The following DGKI variants were observed in gnomAD, a reference collection of about 807,000 sequenced individuals.
DGKI encodes the protein diacylglycerol kinase iota.
Under a neutral mutation model 147.5 loss-of-function variants are expected in DGKI, and 55 were observed. The ratio of observed to expected loss-of-function variants is 0.37; its 90% CI spans 0.30 to 0.47. The LOEUF is 0.47. DGKI is among the 20% of genes least tolerant of loss of function. The pLI is 1.00. For missense variants in DGKI, 1,007 were observed against 1,323.8 expected (o/e 0.76, Z 3.71); for synonymous variants, 469 against 477.1 (o/e 0.98, Z 0.22).
intron 27 of DGKI, among the ~76,000 whole-genome samples, chr7:137,451,727 A>G (rs547718002): frequency 7.2e-5 from 11 of 152,220 alleles, no homozygotes; most frequent in Non-Finnish European, 1.6e-4. Context: ...GGTTTTAGAT[A>G]TGTGCATTTT....
At chr7:137,466,982 G>C (rs769873886) in intron 24 of DGKI, 40 bp from the exon 25 acceptor site, 1 of 1,604,000 alleles carries the variant, frequency 6.2e-7, no homozygotes, top group Non-Finnish European at 8.5e-7. Flanking sequence ...AGAATGTTCT[G>C]TAATCTGGCA....
chr7:137,683,166 C>G (rs1234209943), intron 2 of DGKI, among the ~76,000 whole-genome samples: 1 of 152,012 alleles, frequency 6.6e-6, no homozygotes, highest in Non-Finnish European at 1.5e-5. Context: ...GACACCCTCT[C>G]CGATTTATTT....
intron 1 of DGKI, among the ~76,000 whole-genome samples, chr7:137,817,007 T>C (rs1388606376): frequency 2.0e-5 from 3 of 152,164 alleles, no homozygotes; most frequent in East Asian, 1.9e-4. Flanking sequence ...CCTCACTGAA[T>C]AGCAACACTA....
intron 1 of DGKI, chr7:137,771,841 C>A (rs1235574845): frequency 6.6e-6 from 1 of 152,174 alleles, no homozygotes; most frequent in African/African-American, 2.4e-5. Flanking sequence ...TTGTCTCCAA[C>A]TCGAACTGGG....
intron 28 of DGKI, among the ~76,000 whole-genome samples, chr7:137,442,770 CTTAA>C (rs1265293903): frequency 6.6e-6 from 1 of 152,212 alleles, no homozygotes; most frequent in Non-Finnish European, 1.5e-5. Context: ...TCTCCCTTTT[CTTAA>C]TTCATTCATT....
chr7:137,787,855 A>G (rs1796720374), intron 1 of DGKI, among the ~76,000 whole-genome samples: 1 of 152,112 alleles, frequency 6.6e-6, no homozygotes. Context: ...ACACAAAAGC[A>G]TAAGAATGAC....
intron 3 of DGKI, among the ~76,000 whole-genome samples, chr7:137,674,989 G>A (rs1032359186): frequency 6.6e-6 from 1 of 152,150 alleles, no homozygotes; most frequent in African/African-American, 2.4e-5. Flanking sequence ...GGTAGTACCT[G>A]GTTATGGTAA....
intron 10 of DGKI, among the ~76,000 whole-genome samples, chr7:137,602,898 A>G (rs1820043581): frequency 6.6e-6 from 1 of 152,086 alleles, no homozygotes; most frequent in Admixed American, 6.5e-5. Context: ...CTAAATGAAA[A>G]AAAAAAACAG....
At chr7:137,737,999 C>T (rs10265413) in intron 1 of DGKI, among the ~76,000 whole-genome samples, 2,953 of 152,164 alleles carry the variant, frequency 0.019, 98 homozygotes, top group African/African-American at 0.066. Context: ...CAGTCTTTAC[C>T]GTTTAGCAAG....
chr7:137,715,746 T>C (rs543271712), intron 1 of DGKI, among the ~76,000 whole-genome samples: 2 of 152,336 alleles, frequency 1.3e-5, no homozygotes, highest in Non-Finnish European at 1.5e-5. Context: ...TGCTCCCTGA[T>C]GACTAACCAG....
chr7:137,843,181 A>G (rs187019488), intron 1 of DGKI, among the ~76,000 whole-genome samples: 4 of 152,288 alleles, frequency 2.6e-5, no homozygotes, highest in Admixed American at 2.0e-4. Context: ...ATAGAAGACA[A>G]TAAACATCAG....
chr7:137,549,772 G>A (rs894664816), intron 20 of DGKI, among the ~76,000 whole-genome samples: 1 of 152,214 alleles, frequency 6.6e-6, no homozygotes, highest in Non-Finnish European at 1.5e-5. Flanking sequence ...TGGAAATCTA[G>A]TGGAAGACCT....
chr7:137,678,038 G>C (rs1235263795), intron 3 of DGKI, among the ~76,000 whole-genome samples: 1 of 152,130 alleles, frequency 6.6e-6, no homozygotes, highest in Non-Finnish European at 1.5e-5. Flanking sequence ...TGACCTGACT[G>C]TTGATTGTTT....
At chr7:137,782,443 G>GCCC (rs1796547099) in intron 1 of DGKI, among the ~76,000 whole-genome samples, 1 of 152,116 alleles carries the variant, frequency 6.6e-6, no homozygotes, top group African/African-American at 2.4e-5. Flanking sequence ...GCCACAGGGA[G>GCCC]CCCTGCCCAA....
chr7:137,568,692 C>A (rs1402641067), intron 19 of DGKI, among the ~76,000 whole-genome samples: 2 of 152,114 alleles, frequency 1.3e-5, no homozygotes, highest in South Asian at 2.1e-4. Flanking sequence ...CCAAGTAGTT[C>A]TTTTTCTGGT....
At chr7:137,800,396 G>A (rs905769869) in intron 1 of DGKI, among the ~76,000 whole-genome samples, 9 of 152,088 alleles carry the variant, frequency 5.9e-5, no homozygotes, top group African/African-American at 2.2e-4. Context: ...AGGATAGTGA[G>A]TGAGTTCTCA....
intron 1 of DGKI, among the ~76,000 whole-genome samples, chr7:137,737,935 G>A (rs183029720): frequency 7.2e-5 from 11 of 152,190 alleles, no homozygotes; most frequent in East Asian, 5.8e-4. Flanking sequence ...ATTAATCTGC[G>A]TGCCACAAGT....
chr7:137,443,065 T>C (rs1317394205), intron 28 of DGKI, among the ~76,000 whole-genome samples: 2 of 151,968 alleles, frequency 1.3e-5, no homozygotes, highest in Non-Finnish European at 2.9e-5. Context: ...CTCCAGAAAT[T>C]TGATGTAGAA....
At chr7:137,602,315 A>G (rs1320625793) in intron 10 of DGKI, among the ~76,000 whole-genome samples, 1 of 152,222 alleles carries the variant, frequency 6.6e-6, no homozygotes, top group Non-Finnish European at 1.5e-5. Flanking sequence ...ATAAAAATAA[A>G]AAGCATTGAG....
Sources: gnomAD v4.1 joint callset for allele counts (sites outside exome capture counted in the v4.1 genomes callset) on GRCh38, gnomAD v4.1.1 for gene constraint, MANE v1.5 for transcripts, NCBI Gene and HGNC (gene_info 2026-07-23, HGNC 2026-07-21) for gene names.